CNTLN: variants seen among roughly 807,000 people sequenced by gnomAD.
CNTLN encodes centlein, centrosomal protein.
In CNTLN, 212 loss-of-function variants were observed where a neutral mutation model predicts 180.0. The ratio of observed to expected loss-of-function variants is 1.18; its 90% CI spans 1.05 to 1.32. The LOEUF is 1.32. Ranked by LOEUF, CNTLN falls within the 40% of genes most tolerant of loss-of-function variation. The pLI is 0.00. For synonymous variants in CNTLN, 722 were observed against 563.1 expected (o/e 1.28, Z -3.99); for missense variants, 2,095 against 1,610.9 (o/e 1.30, Z -5.14).
rs1320870928 is a variant in CNTLN, at chr9:17,416,207, A to T, written c.3114+18A>T. The T allele has an allele frequency of 6.4e-7, 1 of 1,568,100 alleles. No homozygotes were observed. Among genetic ancestry groups the T allele is most frequent in the Non-Finnish European group, 8.8e-7 (1 of 1,141,554 alleles). On this transcript the variant is annotated intron_variant, in intron 18 of 25. Coordinates refer to ENST00000380647, the MANE Select transcript of CNTLN (RefSeq NM_017738.4). The stretch of plus-strand genomic sequence containing the variant: ...CAATAAAGGTAAAGAGAACTTTAAG[A>T]TTGAACAGTAGTATACTATATTGTA...
At chr9:17,210,478 G>T (rs1401058506) in intron 2 of CNTLN, among the ~76,000 whole-genome samples, 2 of 152,186 alleles carry the variant, frequency 1.3e-5, no homozygotes, top group African/African-American at 4.8e-5. Context: ...GGACATTAGG[G>T]TTGGTTCCAA....
chr9:17,221,388 A>T (rs968808455), intron 2 of CNTLN, among the ~76,000 whole-genome samples: 1 of 152,134 alleles, frequency 6.6e-6, no homozygotes, highest in Non-Finnish European at 1.5e-5. Context: ...AGTACATTAT[A>T]TTTTATTATT....
intron 23 of CNTLN, among the ~76,000 whole-genome samples, chr9:17,478,166 C>A (rs911215957): frequency 4.6e-5 from 7 of 152,152 alleles, no homozygotes; most frequent in African/African-American, 1.7e-4. Flanking sequence ...AGACATAATG[C>A]TATTGAATGC....
intron 15 of CNTLN, among the ~76,000 whole-genome samples, chr9:17,401,364 A>T (rs1826958531): frequency 6.6e-6 from 1 of 151,994 alleles, no homozygotes; most frequent in Admixed American, 6.5e-5. Flanking sequence ...TTAAAGCAAA[A>T]TCCATATAGA....
chr9:17,361,729 A>G (rs1823406332), intron 12 of CNTLN, among the ~76,000 whole-genome samples: 1 of 152,152 alleles, frequency 6.6e-6, no homozygotes, highest in African/African-American at 2.4e-5. Context: ...CCCTGTCTGG[A>G]AAGTGCTTTC....
intron 2 of CNTLN, among the ~76,000 whole-genome samples, chr9:17,149,008 C>T (rs1818651988): frequency 1.3e-5 from 2 of 152,112 alleles, no homozygotes; most frequent in South Asian, 2.1e-4. Context: ...TGATGCTCCC[C>T]TCCCTGTGTC....
chr9:17,294,588 C>A (rs956230192), intron 6 of CNTLN, among the ~76,000 whole-genome samples: 5 of 149,980 alleles, frequency 3.3e-5, no homozygotes, highest in African/African-American at 1.2e-4. Flanking sequence ...TCTCCAAGTC[C>A]CCACTAGACT....
downstream of CNTLN, among the ~76,000 whole-genome samples, chr9:17,508,917 T>C (rs996761294): frequency 6.6e-6 from 1 of 152,236 alleles, no homozygotes; most frequent in African/African-American, 2.4e-5. Context: ...AAGAGGTTTT[T>C]AGATGGACCC....
At chr9:17,143,234 T>C in intron 1 of CNTLN, 54 bp from the exon 2 acceptor site, 2 of 1,245,190 alleles carry the variant, frequency 1.6e-6, no homozygotes, top group Non-Finnish European at 2.3e-6. Context: ...TGTAGTATCT[T>C]ATTTCACTAC....
At position 17,301,937 on chromosome 9, in the gene CNTLN, A is replaced by G. The variant is rs1000870923; in HGVS notation, c.1146+3585A>G. On this transcript the variant is annotated intron_variant, in intron 7 of 25. Coordinates refer to ENST00000380647, the MANE Select transcript of CNTLN (RefSeq NM_017738.4). ...ACATTATATTTTAAAAAATCATAAC[A>G]TATAACTATTTTAGATGGTCATATA... 7 of 930,080 alleles carry G rather than the reference A, an allele frequency of 7.5e-6. No individual in the cohort carries two copies. The African/African-American group carries it at 8.9e-5, about 12-fold the overall frequency. The allele number at this position is 930,080 out of a possible 1,614,324, so 57.6% of individuals were successfully genotyped here. A position where few individuals can be genotyped will look rare whatever the true frequency, so the allele number is the denominator to read the frequency against.
At chr9:17,492,948 T>G (rs1833247672) in intron 25 of CNTLN, among the ~76,000 whole-genome samples, 1 of 152,162 alleles carries the variant, frequency 6.6e-6, no homozygotes, top group Non-Finnish European at 1.5e-5. Flanking sequence ...TGGATGAACC[T>G]TCAAGACATT....
intron 15 of CNTLN, among the ~76,000 whole-genome samples, chr9:17,399,048 T>G (rs1587886003): frequency 6.6e-6 from 1 of 152,254 alleles, no homozygotes; most frequent in East Asian, 1.9e-4. Flanking sequence ...CTACCATTAG[T>G]TTTCCATATA....
At chr9:17,150,490 A>G (rs913731589) in intron 2 of CNTLN, among the ~76,000 whole-genome samples, 4 of 152,142 alleles carry the variant, frequency 2.6e-5, no homozygotes, top group Admixed American at 6.5e-5. Flanking sequence ...TGAGGCCTCC[A>G]TTCTGTTCCA....
intron 2 of CNTLN, among the ~76,000 whole-genome samples, chr9:17,224,152 A>T (rs1328227001): frequency 6.6e-6 from 1 of 152,052 alleles, no homozygotes; most frequent in Admixed American, 6.6e-5. Flanking sequence ...CGTTACCCTA[A>T]TTTATTGTCC....
At chr9:17,275,692 T>A (rs78615495) in intron 6 of CNTLN, among the ~76,000 whole-genome samples, 7,060 of 152,178 alleles carry the variant, frequency 0.046, 224 homozygotes, top group South Asian at 0.15. Context: ...ACATTTTGCG[T>A]GAGTTTGTAT....
chr9:17,527,412 A>C, the CNTLN span, among the ~76,000 whole-genome samples: 2 of 152,224 alleles, frequency 1.3e-5, no homozygotes, highest in Non-Finnish European at 2.9e-5. Context: ...TTTATCCTTA[A>C]ATAGATAGAA....
chr9:17,309,441 ATAGAAGTGCATG>A (rs1348926574), intron 8 of CNTLN, among the ~76,000 whole-genome samples, 189 bp downstream of exon 8: 1 of 152,120 alleles, frequency 6.6e-6, no homozygotes, highest in Non-Finnish European at 1.5e-5. Flanking sequence ...ACAAATTTAT[ATAGAAGTGCATG>A]TAGAAGTACA....
At chr9:17,302,682 A>T (rs1202852325) in intron 7 of CNTLN, among the ~76,000 whole-genome samples, 2 of 152,210 alleles carry the variant, frequency 1.3e-5, no homozygotes, top group Non-Finnish European at 2.9e-5. Context: ...TTTAAAAATC[A>T]TAATTGTATT....
intron 18 of CNTLN, among the ~76,000 whole-genome samples, chr9:17,438,870 A>G (rs1000351521): frequency 2.0e-5 from 3 of 152,226 alleles, no homozygotes; most frequent in African/African-American, 7.2e-5. Flanking sequence ...TCCAATATTC[A>G]GAAGTTGGAC....
Sources: gnomAD v4.1 joint callset for allele counts (sites outside exome capture counted in the v4.1 genomes callset) on GRCh38, gnomAD v4.1.1 for gene constraint, MANE v1.5 for transcripts, NCBI Gene and HGNC (gene_info 2026-07-23, HGNC 2026-07-21) for gene names.